CNOT10: variants seen among roughly 807,000 people sequenced by gnomAD.
CNOT10 encodes the protein CCR4-NOT transcription complex, subunit 10.
In CNOT10, 30 loss-of-function variants were observed where a neutral mutation model predicts 94.6. That is an observed-to-expected ratio of 0.32 (90% CI 0.24 to 0.43). CNOT10 has a LOEUF of 0.43. Among genes scored for constraint, CNOT10 ranks in the 20% least tolerant of loss-of-function variants. The pLI, the probability that CNOT10 is intolerant of heterozygous loss-of-function variation, is 1.00. For synonymous variants in CNOT10, 289 were observed against 301.6 expected (o/e 0.96, Z 0.43); for missense variants, 759 against 877.2 (o/e 0.87, Z 1.70).
chr3:32,743,625 C>G (rs73059866), intron 13 of CNOT10, among the ~76,000 whole-genome samples: 19,858 of 152,068 alleles, frequency 0.13, 1,420 homozygotes, highest in South Asian at 0.19. Context: ...CAGACTGAGA[C>G]TCTGTCTCAC....
At chr3:32,727,962 A>T in intron 10 of CNOT10, 92 bp downstream of exon 10, 5 of 806,792 alleles carry the variant, frequency 6.2e-6, no homozygotes. Flanking sequence ...TTGGAAACAT[A>T]CATAAGACAT....
intron 17 of CNOT10, among the ~76,000 whole-genome samples, chr3:32,768,174 A>C (rs1700730920): frequency 3.3e-5 from 5 of 152,166 alleles, no homozygotes; most frequent in Admixed American, 3.3e-4. Flanking sequence ...AAGTATCATA[A>C]AGATGTTGCC....
intron 1 of CNOT10, among the ~76,000 whole-genome samples, chr3:32,692,587 T>C (rs1696896606): frequency 6.6e-6 from 1 of 152,234 alleles, no homozygotes; most frequent in Non-Finnish European, 1.5e-5. Context: ...GAACATCTTT[T>C]TCCATTTTCA....
intron 1 of CNOT10, chr3:32,695,707 G>A: frequency 6.5e-7 from 1 of 1,536,026 alleles, no homozygotes; most frequent in Non-Finnish European, 8.7e-7. Context: ...ATGTTCATTA[G>A]GCCAGAGTAG....
In CNOT10 at chr3:32,720,215, A is replaced by G; in HGVS notation, c.846A>G (p.Pro282=). The G allele has an allele frequency of 2.0e-6, 3 of 1,506,460 alleles. No homozygotes were observed. Among genetic ancestry groups the G allele is most frequent in the Non-Finnish European group, 2.7e-6 (3 of 1,104,004 alleles). The allele number at this position is 1,506,460 out of a possible 1,614,324, so 93.3% of individuals were successfully genotyped here. A position where few individuals can be genotyped will look rare whatever the true frequency, so the allele number is the denominator to read the frequency against. ...LLNSSNIAEH[P]GFMKTGECLR... ...ATAGTTCAAACATTGCTGAGCATCC[A>G]GGATTCATGAAAACAGGTAAAAGAA... Residue 282 remains proline, a synonymous_variant, in exon 8 of 19, where the codon CCA becomes CCG. Transcript: ENST00000328834.
chr3:32,758,859 GTT>G (rs201201746), intron 13 of CNOT10, among the ~76,000 whole-genome samples: 1 of 151,824 alleles, frequency 6.6e-6, no homozygotes, highest in Non-Finnish European at 1.5e-5. Flanking sequence ...TGTTTAACCT[GTT>G]TTTTTTCCTT....
At chr3:32,716,489 G>A (rs184130326) in intron 6 of CNOT10, among the ~76,000 whole-genome samples, 178 bp downstream of exon 6, 2 of 152,212 alleles carry the variant, frequency 1.3e-5, no homozygotes, top group East Asian at 3.9e-4. Context: ...TTTCTTAAGA[G>A]GATAATATAA....
At chr3:32,761,682 C>T (rs1048763989) in intron 14 of CNOT10, among the ~76,000 whole-genome samples, 5 of 150,976 alleles carry the variant, frequency 3.3e-5, no homozygotes, top group South Asian at 2.1e-4. Flanking sequence ...CAGCCTCCTG[C>T]GTAGCTGGGA....
intron 17 of CNOT10, chr3:32,769,556 C>T (rs1473978571): frequency 4.2e-6 from 1 of 235,470 alleles, no homozygotes. Flanking sequence ...TGAAGTGTTA[C>T]TTAGGAAAAC....
chr3:32,758,770 A>G (rs1254549570), intron 13 of CNOT10, among the ~76,000 whole-genome samples: 1 of 152,206 alleles, frequency 6.6e-6, no homozygotes, highest in African/African-American at 2.4e-5. Flanking sequence ...GAAGTAGAAA[A>G]CCAAATATTA....
At position 32,764,733 on chromosome 3, in the gene CNOT10, C is replaced by T. The variant is rs1371470761; in HGVS notation, c.1928C>T (p.Thr643Ile). The change falls in exon 17 of 19, where the codon ACT (threonine) becomes ATT (isoleucine). Residue 643 changes from threonine (T) to isoleucine (I), a missense_variant. By Grantham distance (89) the Thr-to-Ile change is moderately conservative (BLOSUM62 -1). Around this residue, in one of 3 missense-constraint regions of CNOT10, gnomAD observed 682 missense variants for 799.4 expected, o/e 0.85. Coordinates refer to ENST00000328834, the MANE Select transcript of CNOT10 (RefSeq NM_015442.3). ...CCCAGTTCCGTCAACTCTGCCAGGA[C>T]TGTGATGCTGTTCAACCTTGGCAGC... ...CYPSSVNSAR[T>I]VMLFNLGSAY... 1.2e-6 allele frequency: 2 copies of T among 1,614,180 alleles called. No homozygotes were observed. Among genetic ancestry groups the T allele is most frequent in the Non-Finnish European group, 1.7e-6 (2 of 1,180,042 alleles).
intron 13 of CNOT10, among the ~76,000 whole-genome samples, chr3:32,744,097 A>G (rs1173489514): frequency 1.3e-5 from 2 of 152,146 alleles, no homozygotes; most frequent in African/African-American, 2.4e-5. Flanking sequence ...TCGTAAAAGA[A>G]TTGTGTCGTA....
intron 1 of CNOT10, among the ~76,000 whole-genome samples, chr3:32,691,680 G>T (rs188712991): frequency 1.3e-5 from 2 of 152,138 alleles, no homozygotes; most frequent in African/African-American, 2.4e-5. Context: ...TTCAACATGC[G>T]TTTCTTAAAA....
At position 32,719,987 on chromosome 3, in the gene CNOT10, TA is replaced by T. The variant is rs566334430; in HGVS notation, c.745-125del. 2.4e-4 allele frequency: 113 copies of T among 471,888 alleles called. 1 individual carries two copies. The East Asian group carries it at 3.2e-3, about 14-fold the overall frequency. The allele number at this position is 471,888 out of a possible 1,614,324, so 29.2% of individuals were successfully genotyped here. A position where few individuals can be genotyped will look rare whatever the true frequency, so the allele number is the denominator to read the frequency against. ...AGCAATGAAAAATTTAGAGACTATA[TA>T]ATTTTTTGTGACTGACTTAATTGAT... On this transcript the variant is annotated intron_variant, in intron 7 of 18. Coordinates refer to ENST00000328834, the MANE Select transcript of CNOT10 (RefSeq NM_015442.3).
chr3:32,758,807 TAGCGAAATCAATGTAACTTA>T (rs1457120666), intron 13 of CNOT10, among the ~76,000 whole-genome samples: 4 of 152,206 alleles, frequency 2.6e-5, no homozygotes, highest in Non-Finnish European at 5.9e-5. Context: ...CAATCCAACT[TAGCGAAATCAATGTAACTTA>T]AACGTTGTCT....
intron 1 of CNOT10, among the ~76,000 whole-genome samples, chr3:32,688,271 A>G (rs1382569338): frequency 6.6e-6 from 1 of 152,226 alleles, no homozygotes; most frequent in Non-Finnish European, 1.5e-5. Flanking sequence ...ATGTAAATAA[A>G]ATGAAAAATA....
At chr3:32,697,687 C>T (rs7432486) in intron 1 of CNOT10, among the ~76,000 whole-genome samples, 1 of 152,124 alleles carries the variant, frequency 6.6e-6, no homozygotes. Context: ...GTTTCCCAGG[C>T]TGGTCTGGAA....
chr3:32,692,079 C>T (rs1030775351), intron 1 of CNOT10, among the ~76,000 whole-genome samples: 3 of 150,254 alleles, frequency 2.0e-5, no homozygotes, highest in Non-Finnish European at 4.4e-5. Flanking sequence ...GCCAATTTCC[C>T]GCCAGGCATG....
In CNOT10 at chr3:32,732,592, GA is replaced by G. The variant is rs368930309; in HGVS notation, c.1216-823del. Among the ~76,000 whole-genome samples, 147 of 137,740 alleles carry G rather than the reference GA, an allele frequency of 1.1e-3. 1 individual carries two copies. In the East Asian group the frequency reaches 0.02, roughly 19 times the overall value. The allele number at this position is 137,740 out of a possible 152,430, so 90.4% of individuals were successfully genotyped here. A position where few individuals can be genotyped will look rare whatever the true frequency, so the allele number is the denominator to read the frequency against. On this transcript the variant is annotated intron_variant, in intron 10 of 18. Coordinates refer to ENST00000328834, the MANE Select transcript of CNOT10 (RefSeq NM_015442.3). ...CAGAGCCAGACCTTGTCTTAAAAAA[GA>G]AAAAAAAGAAAGGAAAAAAAAAAAG...
Sources: gnomAD v4.1 joint callset for allele counts (sites outside exome capture counted in the v4.1 genomes callset) on GRCh38, gnomAD v4.1.1 for gene constraint, gnomAD v4.1.1 regional missense constraint, MANE v1.5 for transcripts, NCBI Gene and HGNC (gene_info 2026-07-23, HGNC 2026-07-21) for gene names.